ZHX3: variants seen among roughly 807,000 people sequenced by gnomAD.
The protein encoded by ZHX3 is zinc fingers and homeoboxes protein 3.
In ZHX3, 20 loss-of-function variants were observed where a neutral mutation model predicts 64.5. The ratio of observed to expected loss-of-function variants is 0.31; its 90% CI spans 0.22 to 0.45. The LOEUF is 0.45. Ranked by LOEUF, ZHX3 falls within the 20% of genes least tolerant of loss-of-function variation. The probability of loss-of-function intolerance (pLI) is 1.00; values close to 1 mark genes in which losing one functional copy is unlikely to be tolerated. For missense variants in ZHX3, 1,041 were observed against 1,195.8 expected, an observed-to-expected ratio of 0.87 and a Z score of 1.91; for synonymous variants, 423 against 461.6, an observed-to-expected ratio of 0.92 and a Z score of 1.07.
intron 2 of ZHX3, among the ~76,000 whole-genome samples, chr20:41,256,178 T>C (rs1410920247): frequency 2.0e-5 from 3 of 152,052 alleles, no homozygotes; most frequent in Non-Finnish European, 2.9e-5. Flanking sequence ...CACCTTTGAG[T>C]GAGGTAGGTG....
chr20:41,311,702 T>C (rs186220517), intron 1 of ZHX3, among the ~76,000 whole-genome samples: 69 of 152,360 alleles, frequency 4.5e-4, no homozygotes, highest in African/African-American at 1.6e-3. Context: ...GCTATGTAAC[T>C]TTAAACATTA....
chr20:41,265,819 TAGAG>T (rs1297568826), intron 2 of ZHX3, among the ~76,000 whole-genome samples: 4 of 152,146 alleles, frequency 2.6e-5, no homozygotes, highest in Admixed American at 1.3e-4. Context: ...CACAAATGGG[TAGAG>T]AAAGACTGCC....
chr20:41,215,242 G>C (rs899963879), intron 2 of ZHX3, among the ~76,000 whole-genome samples: 1 of 151,946 alleles, frequency 6.6e-6, no homozygotes, highest in Non-Finnish European at 1.5e-5. Flanking sequence ...GGGACACAGA[G>C]TAAGGCTCCG....
At chr20:41,244,528 A>T (rs2041577694) in intron 2 of ZHX3, among the ~76,000 whole-genome samples, 1 of 152,126 alleles carries the variant, frequency 6.6e-6, no homozygotes, top group Admixed American at 6.5e-5. Context: ...ACACATATTT[A>T]AAAAAAGACA....
At chr20:41,205,581 G>A (rs2038637685) in intron 2 of ZHX3, among the ~76,000 whole-genome samples, 1 of 151,942 alleles carries the variant, frequency 6.6e-6, no homozygotes, top group Non-Finnish European at 1.5e-5. Flanking sequence ...GTGGGCGGGG[G>A]TGGCTAGGAA....
chr20:41,264,789 T>A (rs1403752185), intron 2 of ZHX3, among the ~76,000 whole-genome samples: 1 of 152,134 alleles, frequency 6.6e-6, no homozygotes, highest in Non-Finnish European at 1.5e-5. Context: ...CTCAAAAATT[T>A]AAAAGAATAG....
intron 3 of ZHX3, among the ~76,000 whole-genome samples, chr20:41,192,304 C>T (rs564068691): frequency 7.2e-5 from 11 of 152,138 alleles, no homozygotes; most frequent in East Asian, 1.9e-4. Flanking sequence ...GCTCTGGCCA[C>T]GGAGGTGGTG....
chr20:41,218,350 C>A (rs571834402), intron 2 of ZHX3, among the ~76,000 whole-genome samples: 1 of 151,688 alleles, frequency 6.6e-6, no homozygotes, highest in Non-Finnish European at 1.5e-5. Flanking sequence ...GAAGCTGAGG[C>A]GGATGACTGC....
At chr20:41,230,110 C>T (rs6102313) in intron 2 of ZHX3, among the ~76,000 whole-genome samples, 9,685 of 152,054 alleles carry the variant, frequency 0.064, 1,026 homozygotes, top group African/African-American at 0.22. Context: ...CTCCATTGGT[C>T]TATATGCCTT....
At chr20:41,271,327 T>G (rs2043138820) in intron 1 of ZHX3, among the ~76,000 whole-genome samples, 1 of 152,192 alleles carries the variant, frequency 6.6e-6, no homozygotes, top group African/African-American at 2.4e-5. Context: ...CTACAAAAGT[T>G]TTTTTTAGAA....
chr20:41,191,762 A>G (rs2037039607), intron 3 of ZHX3, among the ~76,000 whole-genome samples: 1 of 152,170 alleles, frequency 6.6e-6, no homozygotes, highest in South Asian at 2.1e-4. Flanking sequence ...TTCTTTGGCT[A>G]TAAATAGCAT....
At chr20:41,287,807 G>A (rs759887953) in intron 1 of ZHX3, among the ~76,000 whole-genome samples, 5 of 152,200 alleles carry the variant, frequency 3.3e-5, no homozygotes, top group African/African-American at 4.8e-5. Context: ...TACCCATTAA[G>A]CCCTGCTCAG....
chr20:41,292,772 T>C, intron 1 of ZHX3, among the ~76,000 whole-genome samples: 1 of 152,238 alleles, frequency 6.6e-6, no homozygotes. Context: ...TAAAAAACTG[T>C]TGACTGTCTC....
intron 2 of ZHX3, among the ~76,000 whole-genome samples, chr20:41,242,842 A>G (rs1048180250): frequency 2.6e-5 from 4 of 152,214 alleles, no homozygotes; most frequent in Non-Finnish European, 4.4e-5. Context: ...TTATAACCCT[A>G]TCCCTAAGAG....
chr20:41,295,991 C>T lies in ZHX3; in HGVS notation c.-245+21518G>A, dbSNP rs183642026. Among the ~76,000 whole-genome samples, 153 of 152,158 alleles carry T rather than the reference C, an allele frequency of 1.0e-3. 1 individual carries two copies. Among genetic ancestry groups the T allele is most frequent in the African/African-American group, 3.3e-3 (136 of 41,530 alleles). On this transcript the variant is annotated intron_variant, in intron 1 of 3. Transcript: ENST00000683867. ...GTTCAGTTGGTTGTCCTTTATAATGCTATTTAAGTTCATAAACAACCAAAA... is the reference window on the plus strand; with the variant it reads ...GTTCAGTTGGTTGTCCTTTATAATGTTATTTAAGTTCATAAACAACCAAAA...
intron 1 of ZHX3, among the ~76,000 whole-genome samples, chr20:41,283,494 C>G (rs568635316): frequency 6.6e-6 from 1 of 152,260 alleles, no homozygotes; most frequent in African/African-American, 2.4e-5. Context: ...TGTGGTAGCT[C>G]ACGCCTGTAA....
Position 41,202,433 on chromosome 20 carries a change from T to A in ZHX3, c.2484A>T (p.Glu828Asp). Reference sequence around the variant, plus strand: ...GTGGGAAGTTGCCTCGCTTATAGTCTTCGTACCATTTGAGTTGGCCGTTCT... The same window carrying A: ...GTGGGAAGTTGCCTCGCTTATAGTCATCGTACCATTTGAGTTGGCCGTTCT... Reference protein sequence around the residue: ...ALKNGQLKWYEDYKRGNFPPG... With the variant: ...ALKNGQLKWYDDYKRGNFPPG... The change falls in exon 3 of 4, where the codon GAA becomes GAT. Residue 828 changes from glutamate (E) to aspartate (D), a missense_variant. Coordinates refer to ENST00000683867, the MANE Select transcript of ZHX3 (RefSeq NM_001384317.1). The surrounding 1 kb of genome is among the most constrained non-coding windows in gnomAD (Gnocchi z 7.0). 1 of 1,614,184 alleles carries A rather than the reference T, an allele frequency of 6.2e-7. No individual in the cohort carries two copies. Among genetic ancestry groups the A allele is most frequent in the Non-Finnish European group, 8.5e-7 (1 of 1,180,030 alleles).
intron 2 of ZHX3, among the ~76,000 whole-genome samples, chr20:41,229,521 A>C (rs2040468556): frequency 6.6e-6 from 1 of 152,162 alleles, no homozygotes; most frequent in Non-Finnish European, 1.5e-5. Context: ...TCCCACCAAC[A>C]GTGCACTGAG....
At position 41,203,359 on chromosome 20, in the gene ZHX3, C is replaced by T. The variant is rs2038415748; in HGVS notation, c.1558G>A (p.Gly520Arg). ...GTGAGATGTTCAACTTCGCTCTGCC[C>T]TGGGAACTGGTTCCGACAGAAGCTC... ...KGSFCRNQFP[G>R]QSEVEHLTKV... Residue 520 changes from glycine to arginine, a missense_variant, in exon 3 of 4, where the codon GGG (glycine) becomes AGG (arginine). This residue lies in a region of ZHX3 where 649 missense variants were observed against 739.8 expected (regional missense o/e 0.88). Transcript: ENST00000683867. The surrounding 1 kb of genome is among the most constrained non-coding windows in gnomAD (Gnocchi z 7.1). The T allele has an allele frequency of 6.2e-7, 1 of 1,614,196 alleles. No individual in the cohort carries two copies. Among genetic ancestry groups the T allele is most frequent in the Non-Finnish European group, 8.5e-7 (1 of 1,180,030 alleles).
Sources: gnomAD v4.1 joint callset for allele counts (sites outside exome capture counted in the v4.1 genomes callset) on GRCh38, gnomAD v4.1.1 for gene constraint, gnomAD v4.1.1 regional missense constraint, Gnocchi (gnomAD v3.1) non-coding constraint, MANE v1.5 for transcripts, NCBI Gene and HGNC (gene_info 2026-07-23, HGNC 2026-07-21) for gene names.